Variants in RHNO1 observed in about 807,000 individuals in gnomAD.
RHNO1 encodes the protein RAD9, HUS1, RAD1-interacting nuclear orphan protein 1.
RHNO1 carries 9 observed loss-of-function variants against 7.2 expected under a neutral mutation model. That is an observed-to-expected ratio of 1.25 (90% CI 0.75 to 2.18). The LOEUF (loss-of-function observed/expected upper bound fraction) is 2.18, where lower values mean the gene tolerates loss of function less well. Ranked by LOEUF, RHNO1 falls within the 30% of genes most tolerant of loss-of-function variation. The pLI is 0.00. For synonymous variants in RHNO1, 95 were observed against 107.5 expected, an observed-to-expected ratio of 0.88 and a Z score of 0.72; for missense variants, 292 against 284.5, an observed-to-expected ratio of 1.03 and a Z score of -0.19.
intron 1 of RHNO1, among the ~76,000 whole-genome samples, chr12:2,878,273 A>G (rs956656666): frequency 6.6e-6 from 1 of 152,216 alleles, no homozygotes; most frequent in African/African-American, 2.4e-5. Flanking sequence ...TAGGACAGGA[A>G]AGGCTTTTGT....
intron 1 of RHNO1, among the ~76,000 whole-genome samples, chr12:2,883,509 A>ATTTTTTTTTTTTT (rs1169837648): frequency 4.1e-5 from 1 of 24,232 alleles, no homozygotes; most frequent in African/African-American, 2.8e-4. Flanking sequence ...ATATATATAT[A>ATTTTTTTTTTTTT]TATTTTTTTT....
chr12:2,877,118 C>T (rs2098146718), upstream of RHNO1: 2 of 152,088 alleles, frequency 1.3e-5, no homozygotes, highest in African/African-American at 2.4e-5. Flanking sequence ...GGGGTGGGGT[C>T]TGGCACCGGA....
chr12:2,883,511 A>ATTTT (rs869192550), intron 1 of RHNO1, among the ~76,000 whole-genome samples: 11 of 26,826 alleles, frequency 4.1e-4, no homozygotes, highest in Non-Finnish European at 6.4e-4. Flanking sequence ...ATATATATAT[A>ATTTT]TTTTTTTTTT....
intron 2 of RHNO1, chr12:2,885,953 G>A (rs1016242285): frequency 1.1e-5 from 1 of 87,026 alleles, no homozygotes. Context: ...ACTCTGTTAG[G>A]TTTTCCAGAA....
intron 1 of RHNO1, among the ~76,000 whole-genome samples, chr12:2,883,492 TATATATATATATA>T: frequency 5.2e-5 from 1 of 19,088 alleles, no homozygotes; most frequent in Non-Finnish European, 8.6e-5. Flanking sequence ...TATATATATA[TATATATATATATA>T]TATATATTTT....
At chr12:2,883,479 ATATAT>A (rs2098160919) in intron 1 of RHNO1, among the ~76,000 whole-genome samples, 1 of 33,382 alleles carries the variant, frequency 3.0e-5, no homozygotes, top group Non-Finnish European at 7.3e-5. Context: ...AGGATAGAAT[ATATAT>A]ATATATATAT....
chr12:2,887,984 A>G lies in RHNO1; in HGVS notation c.242A>G (p.His81Arg), dbSNP rs775836547. ...AYQKHQNRAR[H>R]SSRKPTTSKF... ...CAGAAACACCAAAACCGGGCGAGAC[A>G]CTCAAGTCGAAAACCTACCACCTCC... Residue 81 changes from histidine to arginine, a missense_variant, in exon 3 of 3, where the codon CAC (histidine) becomes CGC (arginine). Physicochemically the swap from His to Arg is conservative, Grantham distance 29 (BLOSUM62 0). Coordinates refer to ENST00000489288, the MANE Select transcript of RHNO1 (RefSeq NM_001252499.3). 39 of 1,613,576 alleles carry G rather than the reference A, an allele frequency of 2.4e-5. No homozygotes were observed. The highest frequency in any genetic ancestry group is 3.1e-5 in the Non-Finnish European group (37 of 1,179,964).
intron 1 of RHNO1, among the ~76,000 whole-genome samples, chr12:2,883,735 C>T (rs899743143): frequency 2.6e-5 from 4 of 151,180 alleles, no homozygotes; most frequent in African/African-American, 9.7e-5. Context: ...AGGCTGGTCT[C>T]GAACTCCCGA....
chr12:2,885,402 G>A lies in RHNO1; in HGVS notation c.36G>A (p.Gln12=), dbSNP rs751624888. 1 of 1,613,674 alleles carries A rather than the reference G, an allele frequency of 6.2e-7. No individual in the cohort carries two copies. Among genetic ancestry groups the A allele is most frequent in the Non-Finnish European group, 8.5e-7 (1 of 1,179,932 alleles). Residue 12 remains glutamine (Q), a synonymous_variant, in exon 2 of 3, where the codon CAG becomes CAA. Transcript: ENST00000489288. Reference sequence around the variant, plus strand: ...GAAAAAAACGCCGCCAGCCTTCCCAGAAAGCCCCGCTGCTGTTCCACCAAC... The same window carrying A: ...GAAAAAAACGCCGCCAGCCTTCCCAAAAAGCCCCGCTGCTGTTCCACCAAC... ...PPRKKRRQPS[Q]KAPLLFHQQP...
intron 1 of RHNO1, among the ~76,000 whole-genome samples, chr12:2,884,949 A>C (rs1233360315): frequency 1.3e-5 from 2 of 152,124 alleles, no homozygotes; most frequent in African/African-American, 4.8e-5. Context: ...CAGTGTTGTA[A>C]ATGTCTGTTT....
intron 1 of RHNO1, among the ~76,000 whole-genome samples, chr12:2,880,342 C>T (rs965826708): frequency 6.6e-5 from 10 of 151,586 alleles, no homozygotes; most frequent in South Asian, 2.1e-4. Context: ...TCAGGCTGGG[C>T]GTGGTGGCTC....
At chr12:2,883,085 A>C (rs1032911231) in intron 1 of RHNO1, among the ~76,000 whole-genome samples, 6 of 142,296 alleles carry the variant, frequency 4.2e-5, no homozygotes, top group South Asian at 2.2e-4. Flanking sequence ...AAAAAAAAAA[A>C]CACATAGAAA....
Position 2,881,860 on chromosome 12 carries a change from G to A in RHNO1, c.-84-3423G>A, listed in dbSNP as rs374888766. Among the ~76,000 whole-genome samples, 14 of 150,338 alleles carry A rather than the reference G, an allele frequency of 9.3e-5. No individual in the cohort carries two copies. The East Asian group carries it at 1.2e-3, about 13-fold the overall frequency. ...GTAGAGGTTGTGGTGAGCCAAGATCGCGCCACTGTACTCTAGCCTGCGTAA... is the reference window on the plus strand; with the variant it reads ...GTAGAGGTTGTGGTGAGCCAAGATCACGCCACTGTACTCTAGCCTGCGTAA... On this transcript the variant is annotated intron_variant, in intron 1 of 2. Transcript: ENST00000489288.
At chr12:2,885,060 C>G (rs2098163624) in intron 1 of RHNO1, 1 of 298,046 alleles carries the variant, frequency 3.4e-6, no homozygotes, top group Non-Finnish European at 6.2e-6. Context: ...GGTTATTCAT[C>G]TTTAAATTCC....
intron 1 of RHNO1, among the ~76,000 whole-genome samples, chr12:2,884,507 G>A (rs957536566): frequency 3.3e-5 from 5 of 152,148 alleles, no homozygotes; most frequent in African/African-American, 9.7e-5. Context: ...GATTAGAGGC[G>A]TGAGCCACCA....
rs183549249 is a variant in RHNO1 at position 2,878,455 on chromosome 12, G to A, written c.-85+1173G>A. ...AATCGACCTGAATGGAGTGTGGTGT[G>A]AGTTGAAGCTGGAGCCGGAGGAAGC... On this transcript the variant is annotated intron_variant, in intron 1 of 2. Transcript: ENST00000489288. 5.3e-5 allele frequency among the ~76,000 whole-genome samples: 8 copies of A among 152,180 alleles called. 1 individual carries two copies. The highest frequency in any genetic ancestry group is 7.3e-5 in the Non-Finnish European group (5 of 68,030).
rs1356927855 is a variant in RHNO1 at position 2,888,743 on chromosome 12, T to A, written c.*284T>A. ...TGTGGTTTCTCCATGTTGGCCAGGC[T>A]GGTCTCAAAATCCTGACCTCAAGTC... On this transcript the variant is annotated 3_prime_UTR_variant, in exon 3 of 3. Coordinates refer to ENST00000489288, the MANE Select transcript of RHNO1 (RefSeq NM_001252499.3). The A allele has an allele frequency of 2.3e-5, 6 of 261,934 alleles. No homozygotes were observed. The highest frequency in any genetic ancestry group is 4.3e-5 in the Non-Finnish European group (6 of 137,962). 16.2% of individuals were successfully genotyped at this position (261,934 alleles called of 1,614,324 possible). A position where few individuals can be genotyped will look rare whatever the true frequency, so the allele number is the denominator to read the frequency against.
intron 1 of RHNO1, among the ~76,000 whole-genome samples, chr12:2,879,626 G>GCTCA (rs538479416): frequency 6.6e-6 from 1 of 151,714 alleles, no homozygotes; most frequent in Non-Finnish European, 1.5e-5. Context: ...GAGCCACTGC[G>GCTCA]CTCAGCCTTA....
Sources: gnomAD v4.1 joint callset for allele counts (sites outside exome capture counted in the v4.1 genomes callset) on GRCh38, gnomAD v4.1.1 for gene constraint, MANE v1.5 for transcripts, NCBI Gene and HGNC (gene_info 2026-07-23, HGNC 2026-07-21) for gene names.